The following RSRC1 variants were observed in gnomAD, a reference collection of about 807,000 sequenced individuals.
The protein encoded by RSRC1 is serine/Arginine-related protein 53.
A neutral mutation model predicts 49.1 loss-of-function variants in RSRC1; 39 were observed. The ratio of observed to expected loss-of-function variants is 0.79; its 90% confidence interval spans 0.61 to 1.04. The LOEUF is 1.04. Ranked by LOEUF, RSRC1 falls within the 50% of genes least tolerant of loss-of-function variation. RSRC1 has a pLI of 0.00. For synonymous variants in RSRC1, 143 were observed against 130.8 expected, an observed-to-expected ratio of 1.09 and a Z score of -0.63; for missense variants, 388 against 402.4, an observed-to-expected ratio of 0.96 and a Z score of 0.31.
At chr3:158,389,983 A>T (rs573102993) in intron 6 of RSRC1, among the ~76,000 whole-genome samples, 25 of 152,310 alleles carry the variant, frequency 1.6e-4, no homozygotes, top group African/African-American at 6.0e-4. Flanking sequence ...TCCTGGAAAA[A>T]TATCTTGATC....
At chr3:158,527,107 A>G (rs1362831905) in intron 7 of RSRC1, among the ~76,000 whole-genome samples, 2 of 143,312 alleles carry the variant, frequency 1.4e-5, no homozygotes, top group South Asian at 2.2e-4. Context: ...TTTTACTGGT[A>G]GAAGACTTCT....
chr3:158,409,002 C>A (rs866462002), intron 6 of RSRC1, among the ~76,000 whole-genome samples: 1 of 152,068 alleles, frequency 6.6e-6, no homozygotes, highest in Non-Finnish European at 1.5e-5. Context: ...TACTGCACTC[C>A]AGCCTGGGCA....
chr3:158,247,918 T>C (rs1004948542), intron 4 of RSRC1, among the ~76,000 whole-genome samples: 2 of 152,168 alleles, frequency 1.3e-5, no homozygotes, highest in Non-Finnish European at 2.9e-5. Flanking sequence ...GGTTGTTTCC[T>C]AATCAGTACT....
chr3:158,117,989 TC>T (rs1007990505), intron 1 of RSRC1, among the ~76,000 whole-genome samples: 7 of 151,918 alleles, frequency 4.6e-5, no homozygotes, highest in South Asian at 2.1e-4. Flanking sequence ...TCGCTCTGTC[TC>T]CCAGGCTGGA....
intron 5 of RSRC1, among the ~76,000 whole-genome samples, chr3:158,351,599 A>AT (rs1730878408): frequency 6.6e-6 from 1 of 152,010 alleles, no homozygotes; most frequent in South Asian, 2.1e-4. Context: ...ATTTTGGACA[A>AT]TTTTTTTAAA....
intron 4 of RSRC1, among the ~76,000 whole-genome samples, chr3:158,210,320 T>C (rs1037819790): frequency 6.6e-6 from 1 of 152,088 alleles, no homozygotes; most frequent in African/African-American, 2.4e-5. Context: ...CAGGCAACTT[T>C]GTGCCAGGAT....
chr3:158,156,910 A>G (rs1466827253), intron 3 of RSRC1, among the ~76,000 whole-genome samples: 1 of 152,254 alleles, frequency 6.6e-6, no homozygotes, highest in Non-Finnish European at 1.5e-5. Context: ...TAACACAGAG[A>G]CACTAAGTGA....
intron 3 of RSRC1, among the ~76,000 whole-genome samples, chr3:158,201,796 T>C (rs901568287): frequency 5.9e-5 from 9 of 152,200 alleles, no homozygotes; most frequent in Non-Finnish European, 1.3e-4. Context: ...AATTTTAACA[T>C]CTAGTTTAGT....
chr3:158,515,794 G>C (rs376311552), intron 7 of RSRC1, among the ~76,000 whole-genome samples: 1 of 151,658 alleles, frequency 6.6e-6, no homozygotes, highest in Non-Finnish European at 1.5e-5. Flanking sequence ...GGCTTTGCTC[G>C]TTTCTTTTTA....
intron 4 of RSRC1, among the ~76,000 whole-genome samples, chr3:158,258,125 A>G (rs772011353): frequency 1.4e-5 from 2 of 147,258 alleles, no homozygotes; most frequent in Non-Finnish European, 3.0e-5. Context: ...TTTACTTACT[A>G]TTACCAGTGA....
rs373458399 is a variant in RSRC1 at position 158,203,184 on chromosome 3, G to C, written c.433G>C (p.Glu145Gln). 1.9e-6 allele frequency: 3 copies of C among 1,612,280 alleles called. No individual in the cohort carries two copies. The African/African-American group carries it at 4.0e-5, about 22-fold the overall frequency. Reference protein sequence around the residue: ...DRERRKGRDKEKREKEKDKGK... With the variant: ...DRERRKGRDKQKREKEKDKGK... ...AGAACGACGTAAGGGCAGAGATAAA[G>C]AGAAAAGAGAAAAGGAGAAGGATAA... The change falls in exon 4 of 10, where the codon GAG becomes CAG. Residue 145 changes from glutamate (E) to glutamine (Q), a missense_variant. Physicochemically the swap from Glu to Gln is conservative, Grantham distance 29 (BLOSUM62 2). Transcript: ENST00000611884.
chr3:158,275,456 C>T (rs1299461091), intron 4 of RSRC1, among the ~76,000 whole-genome samples: 1 of 152,212 alleles, frequency 6.6e-6, no homozygotes, highest in African/African-American at 2.4e-5. Context: ...AGAGCATTGC[C>T]ATCATCCCAG....
chr3:158,294,377 T>C (rs1727112953), intron 4 of RSRC1, among the ~76,000 whole-genome samples: 1 of 152,198 alleles, frequency 6.6e-6, no homozygotes, highest in Non-Finnish European at 1.5e-5. Context: ...TTTCATAACT[T>C]CATTTTCATA....
intron 3 of RSRC1, among the ~76,000 whole-genome samples, chr3:158,197,525 T>C (rs1389730625): frequency 1.3e-5 from 2 of 152,222 alleles, no homozygotes; most frequent in African/African-American, 4.8e-5. Context: ...ATGTTAGTTA[T>C]TTCTTGCCTT....
intron 5 of RSRC1, among the ~76,000 whole-genome samples, chr3:158,349,276 G>GT (rs775063657): frequency 7.2e-5 from 11 of 152,138 alleles, no homozygotes; most frequent in Non-Finnish European, 1.2e-4. Context: ...TCTGAGTGGT[G>GT]TAAGATGGTA....
At chr3:158,468,485 G>A (rs1737987881) in intron 7 of RSRC1, among the ~76,000 whole-genome samples, 1 of 152,148 alleles carries the variant, frequency 6.6e-6, no homozygotes, top group Non-Finnish European at 1.5e-5. Flanking sequence ...TATTTTTAAA[G>A]AAGTTTGGCA....
At chr3:158,135,581 A>G (rs900233876) in intron 3 of RSRC1, among the ~76,000 whole-genome samples, 2 of 151,882 alleles carry the variant, frequency 1.3e-5, no homozygotes, top group Non-Finnish European at 1.5e-5. Flanking sequence ...CGCCCGGCCT[A>G]TAGTGTAAAT....
At chr3:158,364,530 T>G (rs1553793980) in intron 6 of RSRC1, among the ~76,000 whole-genome samples, 1 of 152,192 alleles carries the variant, frequency 6.6e-6, no homozygotes, top group Non-Finnish European at 1.5e-5. Flanking sequence ...TTTACTGTCC[T>G]GTAGTTTCCT....
At chr3:158,264,095 CTCT>C (rs1329844878) in intron 4 of RSRC1, among the ~76,000 whole-genome samples, 2 of 151,850 alleles carry the variant, frequency 1.3e-5, no homozygotes, top group South Asian at 2.1e-4. Flanking sequence ...TTTAATTCTC[CTCT>C]TCTTCTAGTT....
Sources: gnomAD v4.1 joint callset for allele counts (sites outside exome capture counted in the v4.1 genomes callset) on GRCh38, gnomAD v4.1.1 for gene constraint, MANE v1.5 for transcripts, NCBI Gene and HGNC (gene_info 2026-07-23, HGNC 2026-07-21) for gene names.